Variants in RAB38 observed in about 807,000 individuals in gnomAD.
RAB38 encodes the protein ras-related protein Rab-38.
Under a neutral mutation model 18.4 loss-of-function variants are expected in RAB38, and 15 were observed. That is an observed-to-expected ratio of 0.82 (90% confidence interval 0.55 to 1.26). RAB38 has a LOEUF of 1.26. RAB38 is among the 50% of genes most tolerant of loss of function. The probability of loss-of-function intolerance (pLI) is 0.00; values close to 1 mark genes in which losing one functional copy is unlikely to be tolerated. For missense variants in RAB38, 294 were observed against 267.4 expected (o/e 1.10, Z -0.69); for synonymous variants, 101 against 104.4 (o/e 0.97, Z 0.20).
chr11:88,063,662 A>G, the RAB38 span, among the ~76,000 whole-genome samples: 1 of 152,284 alleles, frequency 6.6e-6, no homozygotes, highest in Admixed American at 6.5e-5. Flanking sequence ...AGATAATTGA[A>G]TCATGGGGGC....
the RAB38 span, among the ~76,000 whole-genome samples, chr11:87,838,324 C>T: frequency 6.6e-6 from 1 of 152,094 alleles, no homozygotes; most frequent in Non-Finnish European, 1.5e-5. Flanking sequence ...CCGTGTTAGC[C>T]AGGATGGTCT....
At chr11:88,030,770 T>C in the RAB38 span, among the ~76,000 whole-genome samples, 16 of 152,260 alleles carry the variant, frequency 1.1e-4, no homozygotes, top group East Asian at 1.2e-3. Flanking sequence ...CAGGACAAGA[T>C]GGATTCACAG....
chr11:88,038,043 A>G, the RAB38 span, among the ~76,000 whole-genome samples: 135 of 152,288 alleles, frequency 8.9e-4, 1 homozygote, highest in African/African-American at 3.2e-3. Context: ...AATACAAAAT[A>G]CTTTTTGCTC....
At chr11:87,856,757 C>G in the RAB38 span, among the ~76,000 whole-genome samples, 5 of 151,900 alleles carry the variant, frequency 3.3e-5, no homozygotes, top group African/African-American at 1.2e-4. Flanking sequence ...GGGATACATG[C>G]GCAGAATGTG....
At chr11:88,125,081 T>C (rs1942679821) in intron 2 of RAB38, among the ~76,000 whole-genome samples, 1 of 152,204 alleles carries the variant, frequency 6.6e-6, no homozygotes, top group Admixed American at 6.5e-5. Context: ...TCTGATCACA[T>C]GCCTCTAGTT....
chr11:88,157,622 T>C (rs1226223223), intron 1 of RAB38, among the ~76,000 whole-genome samples: 2 of 151,628 alleles, frequency 1.3e-5, no homozygotes, highest in Admixed American at 1.3e-4. Flanking sequence ...TCGAAAAAAA[T>C]TGAAAATATA....
the RAB38 span, among the ~76,000 whole-genome samples, chr11:87,858,626 A>G: frequency 6.6e-6 from 1 of 152,140 alleles, no homozygotes; most frequent in Admixed American, 6.6e-5. Context: ...CTCAAATGCC[A>G]TTGTATTAAG....
downstream of RAB38, among the ~76,000 whole-genome samples, chr11:88,108,510 T>C (rs1324265412): frequency 6.6e-6 from 1 of 152,224 alleles, no homozygotes; most frequent in Non-Finnish European, 1.5e-5. Flanking sequence ...TATTCCTCCA[T>C]CCCTTTATTT....
At chr11:88,040,465 C>T in the RAB38 span, among the ~76,000 whole-genome samples, 1 of 152,092 alleles carries the variant, frequency 6.6e-6, no homozygotes, top group African/African-American at 2.4e-5. Context: ...CCTGTAAACC[C>T]AGCACTTTGG....
chr11:87,912,761 TC>T, the RAB38 span, among the ~76,000 whole-genome samples: 43 of 92,242 alleles, frequency 4.7e-4, no homozygotes, highest in Non-Finnish European at 7.8e-4. Context: ...TAATTTTCTT[TC>T]TTTCTTTTTT....
At chr11:87,808,882 T>C in the RAB38 span, among the ~76,000 whole-genome samples, 2 of 152,000 alleles carry the variant, frequency 1.3e-5, no homozygotes, top group African/African-American at 4.8e-5. Context: ...TTTTCATGGG[T>C]AAAAATAAAG....
At chr11:87,938,631 TTGA>T in the RAB38 span, among the ~76,000 whole-genome samples, 9,586 of 125,188 alleles carry the variant, frequency 0.077, 346 homozygotes, top group Admixed American at 0.12. Context: ...TTTTTTTTTT[TTGA>T]TTTTGTTGTT....
chr11:87,908,186 T>C, the RAB38 span, among the ~76,000 whole-genome samples: 11 of 152,046 alleles, frequency 7.2e-5, no homozygotes, highest in African/African-American at 2.6e-4. Context: ...TGTGCTCAAC[T>C]GCAAGTGTGA....
chr11:87,902,866 A>T, the RAB38 span, among the ~76,000 whole-genome samples: 1 of 150,520 alleles, frequency 6.6e-6, no homozygotes, highest in Admixed American at 6.6e-5. Context: ...TTTTAAATTG[A>T]TCATATATAT....
At chr11:87,810,385 T>C in the RAB38 span, among the ~76,000 whole-genome samples, 1 of 152,160 alleles carries the variant, frequency 6.6e-6, no homozygotes, top group African/African-American at 2.4e-5. Flanking sequence ...CATGTCTAGC[T>C]CTAGAGCTTT....
At chr11:88,037,013 T>G in the RAB38 span, among the ~76,000 whole-genome samples, 1 of 152,062 alleles carries the variant, frequency 6.6e-6, no homozygotes, top group Admixed American at 6.6e-5. Context: ...AAACTTTTTC[T>G]TATTTTATTT....
At chr11:87,968,438 T>A in the RAB38 span, among the ~76,000 whole-genome samples, 1 of 152,148 alleles carries the variant, frequency 6.6e-6, no homozygotes, top group Non-Finnish European at 1.5e-5. Context: ...CAAAGAGAAG[T>A]GATCAGAAGT....
At chr11:87,909,951 A>G in the RAB38 span, among the ~76,000 whole-genome samples, 18 of 152,232 alleles carry the variant, frequency 1.2e-4, no homozygotes, top group Non-Finnish European at 1.9e-4. Flanking sequence ...TTTATACGGT[A>G]GGTACACATT....
chr11:88,150,225 T>A lies in RAB38; in HGVS notation c.203-270A>T, dbSNP rs149898263. On this transcript the variant is annotated intron_variant, in intron 1 of 2. Transcript: ENST00000243662. ...GACCTATGCAAATACAGTATTCCAGTAGCCACATATGGCTATTTAAATTAA... is the reference window on the plus strand; with the variant it reads ...GACCTATGCAAATACAGTATTCCAGAAGCCACATATGGCTATTTAAATTAA... Among the ~76,000 whole-genome samples the A allele has an allele frequency of 2.2e-3, 331 of 152,342 alleles. 2 individuals carry two copies. The highest frequency in any genetic ancestry group is 4.6e-3 in the South Asian group (22 of 4,834).
Sources: gnomAD v4.1 joint callset for allele counts (sites outside exome capture counted in the v4.1 genomes callset) on GRCh38, gnomAD v4.1.1 for gene constraint, MANE v1.5 for transcripts, NCBI Gene and HGNC (gene_info 2026-07-23, HGNC 2026-07-21) for gene names.